SLC38A9: variants seen among roughly 807,000 people sequenced by gnomAD.
SLC38A9 encodes solute carrier family 38 member 9.
Under a neutral mutation model 62.3 loss-of-function variants are expected in SLC38A9, and 48 were observed. The observed-to-expected ratio is 0.77, with a 90% CI of 0.61 to 0.98. SLC38A9 has a LOEUF of 0.98. SLC38A9 is among the 50% of genes least tolerant of loss of function. The pLI, the probability that SLC38A9 is intolerant of heterozygous loss-of-function variation, is 0.00. For synonymous variants in SLC38A9, 204 were observed against 227.7 expected (o/e 0.90, Z 0.94); for missense variants, 541 against 679.8 (o/e 0.80, Z 2.27).
chr5:55,669,162 T>A, intron 7 of SLC38A9, 66 bp downstream of exon 7: 1 of 1,161,628 alleles, frequency 8.6e-7, no homozygotes, highest in Non-Finnish European at 1.3e-6. Context: ...TACACACTAG[T>A]GATCTGCCTC....
chr5:55,711,861 C>T (rs935875880), intron 1 of SLC38A9, among the ~76,000 whole-genome samples: 1 of 152,196 alleles, frequency 6.6e-6, no homozygotes, highest in Non-Finnish European at 1.5e-5. Flanking sequence ...CTCCTACTCC[C>T]TCCTTCTCTC....
chr5:55,691,572 C>T (rs565468640), intron 3 of SLC38A9, among the ~76,000 whole-genome samples: 12 of 152,252 alleles, frequency 7.9e-5, no homozygotes, highest in Middle Eastern at 3.4e-3. Flanking sequence ...GGGCATAGTC[C>T]GAGAATAGCA....
At position 55,628,054 on chromosome 5, in the gene SLC38A9, C is replaced by G. The variant is rs78968762; in HGVS notation, c.1431-74G>C. The G allele has an allele frequency of 1.1e-5, 10 of 873,654 alleles. No homozygotes were observed. The East Asian group carries it at 2.6e-4, about 22-fold the overall frequency. 54.1% of individuals were successfully genotyped at this position (873,654 alleles called of 1,614,324 possible). On this transcript the variant is annotated intron_variant, in intron 14 of 15. Coordinates refer to ENST00000396865, the MANE Select transcript of SLC38A9 (RefSeq NM_173514.4). ...GCAAATTATAACCACTAATATGAGACTACAGTTCATTCTTAACATCGTTAA... is the reference window on the plus strand; with the variant it reads ...GCAAATTATAACCACTAATATGAGAGTACAGTTCATTCTTAACATCGTTAA...
intron 3 of SLC38A9, among the ~76,000 whole-genome samples, chr5:55,685,416 C>T (rs932216937): frequency 6.6e-6 from 1 of 152,194 alleles, no homozygotes; most frequent in Non-Finnish European, 1.5e-5. Flanking sequence ...AAGGTTGATA[C>T]ATATTGTTGT....
intron 12 of SLC38A9, among the ~76,000 whole-genome samples, chr5:55,639,176 G>A (rs1277167090): frequency 6.6e-6 from 1 of 151,712 alleles, no homozygotes; most frequent in East Asian, 1.9e-4. Flanking sequence ...GGGAGGCTGA[G>A]GCAGGAGAAC....
chr5:55,668,655 A>T (rs1313968240), intron 7 of SLC38A9, among the ~76,000 whole-genome samples: 1 of 152,238 alleles, frequency 6.6e-6, no homozygotes, highest in African/African-American at 2.4e-5. Context: ...GTTGATTCAT[A>T]CTTGCTAAGA....
Position 55,672,622 on chromosome 5 carries a change from C to T in SLC38A9, c.187G>A (p.Ala63Thr). 6.2e-7 allele frequency: 1 copy of T among 1,614,116 alleles called. No individual in the cohort carries two copies. The highest frequency in any genetic ancestry group is 8.5e-7 in the Non-Finnish European group (1 of 1,180,018). ...VIQRVSDHAS[A>T]MNKRIHYYSR... ...TAGTAATGAATTCTCTTGTTCATGGCAGAGGCATGGTCACTAACCCTCTGA... is the reference window on the plus strand; with the variant it reads ...TAGTAATGAATTCTCTTGTTCATGGTAGAGGCATGGTCACTAACCCTCTGA... The change falls in exon 4 of 16, where the codon GCC (alanine) becomes ACC (threonine). Residue 63 changes from alanine to threonine, a missense_variant. Physicochemically the swap from Ala to Thr is moderately conservative, Grantham distance 58 (BLOSUM62 0). Coordinates refer to ENST00000396865, the MANE Select transcript of SLC38A9 (RefSeq NM_173514.4).
chr5:55,705,109 C>T (rs887097800), intron 2 of SLC38A9, among the ~76,000 whole-genome samples: 1 of 152,052 alleles, frequency 6.6e-6, no homozygotes, highest in Non-Finnish European at 1.5e-5. Flanking sequence ...CTTAACTTAG[C>T]GGCCTGAACA....
chr5:55,681,788 G>A (rs960534746), intron 3 of SLC38A9, among the ~76,000 whole-genome samples: 2 of 152,034 alleles, frequency 1.3e-5, no homozygotes, highest in Admixed American at 6.5e-5. Context: ...ACCAGGGGTC[G>A]GTACACTATG....
intron 7 of SLC38A9, among the ~76,000 whole-genome samples, chr5:55,667,482 AT>A (rs1430958764): frequency 4.6e-5 from 7 of 152,232 alleles, no homozygotes; most frequent in African/African-American, 1.7e-4. Flanking sequence ...TTTTTCTTTA[AT>A]TTGTTAATGT....
intron 12 of SLC38A9, among the ~76,000 whole-genome samples, chr5:55,639,261 G>A (rs1270725458): frequency 3.4e-5 from 3 of 87,552 alleles, no homozygotes; most frequent in African/African-American, 1.5e-4. Flanking sequence ...CAACAAGAAC[G>A]AAACTCTGTC....
Position 55,712,036 on chromosome 5 carries a change from C to A in SLC38A9, c.-83+181G>T, listed in dbSNP as rs969754871. Among the ~76,000 whole-genome samples the A allele has an allele frequency of 2.6e-5, 4 of 152,192 alleles. No homozygotes were observed. In the East Asian group the frequency reaches 7.7e-4, roughly 29 times the overall value. On this transcript the variant is annotated intron_variant, in intron 1 of 15. Coordinates refer to ENST00000396865, the MANE Select transcript of SLC38A9 (RefSeq NM_173514.4). ...CGCGCCGTGCCTCCGGAGCAGTCTC[C>A]GCGGCTCCAGGCTATGGCCTCCCTG... is the stretch of plus-strand genomic sequence containing the variant.
At chr5:55,696,462 G>A (rs1428755473) in intron 3 of SLC38A9, 5 of 276 alleles carry the variant, frequency 0.018, no homozygotes, top group Admixed American at 0.13. Flanking sequence ...CTTCCCAGTA[G>A]GGGCGGGCCG....
In SLC38A9 at chr5:55,697,536, G is replaced by C. The variant is rs1050897123; in HGVS notation, c.113+310C>G. On this transcript the variant is annotated intron_variant, in intron 3 of 15. Coordinates refer to ENST00000396865, the MANE Select transcript of SLC38A9 (RefSeq NM_173514.4). ...TTTACTCTTCTACCTCGAGCACTTA[G>C]CATATTACCTTGCGCAAAGTGGGTA... Among the ~76,000 whole-genome samples the C allele has an allele frequency of 2.6e-5, 4 of 151,186 alleles. No individual in the cohort carries two copies. In the East Asian group the frequency reaches 7.7e-4, roughly 29 times the overall value.
chr5:55,669,592 T>C lies in SLC38A9; in HGVS notation c.397A>G (p.Thr133Ala). 1 of 1,610,058 alleles carries C rather than the reference T, an allele frequency of 6.2e-7. No homozygotes were observed. Among genetic ancestry groups the C allele is most frequent in the Non-Finnish European group, 8.5e-7 (1 of 1,177,330 alleles). The change falls in exon 6 of 16, where the codon ACA (threonine) becomes GCA (alanine). Residue 133 changes from threonine (T) to alanine (A), a missense_variant. Thr to Ala is a moderately conservative substitution (Grantham distance 58). Coordinates refer to ENST00000396865, the MANE Select transcript of SLC38A9 (RefSeq NM_173514.4). ...CCCCAAGGAATGCTTAGTATAGATG[T>C]TCCCATCATGGTATTCCAAATCATA... ...IFMIWNTMMG[T>A]SILSIPWGIK...
At chr5:55,664,457 C>G (rs912582091) in intron 8 of SLC38A9, 5 of 221,884 alleles carry the variant, frequency 2.3e-5, no homozygotes, top group African/African-American at 1.1e-4. Flanking sequence ...TTTATTTTAA[C>G]TAAAGATTTT....
intron 3 of SLC38A9, among the ~76,000 whole-genome samples, chr5:55,685,990 T>C (rs1324472636): frequency 1.3e-5 from 2 of 152,232 alleles, no homozygotes; most frequent in Non-Finnish European, 2.9e-5. Flanking sequence ...TGCACAGCAT[T>C]GAATGGTGTA....
At chr5:55,646,806 A>G (rs1435942526) in intron 11 of SLC38A9, among the ~76,000 whole-genome samples, 1 of 152,166 alleles carries the variant, frequency 6.6e-6, no homozygotes, top group South Asian at 2.1e-4. Flanking sequence ...GCTGGAATGC[A>G]GTGGCACAAA....
At chr5:55,628,571 T>C (rs1414817298) in intron 14 of SLC38A9, among the ~76,000 whole-genome samples, 1 of 152,206 alleles carries the variant, frequency 6.6e-6, no homozygotes, top group Non-Finnish European at 1.5e-5. Flanking sequence ...ACATTGCCTC[T>C]TTCTATATTT....
Sources: gnomAD v4.1 joint callset for allele counts (sites outside exome capture counted in the v4.1 genomes callset) on GRCh38, gnomAD v4.1.1 for gene constraint, MANE v1.5 for transcripts, NCBI Gene and HGNC (gene_info 2026-07-23, HGNC 2026-07-21) for gene names.